Variants in MSL3 observed in about 807,000 individuals in gnomAD.
MSL3 encodes MSL3-like 1.
In MSL3, 5 loss-of-function variants were observed where a neutral mutation model predicts 37.2. That is an observed-to-expected ratio of 0.13 (90% confidence interval 0.07 to 0.28). MSL3 has a LOEUF of 0.28. MSL3 is among the 10% of genes least tolerant of loss of function. The pLI is 1.00. For missense variants in MSL3, 315 were observed against 408.5 expected (o/e 0.77, Z 1.97); for synonymous variants, 149 against 147.6 (o/e 1.01, Z -0.07).
At chrX:11,761,098 T>C (rs1244205639) in intron 4 of MSL3, 161 bp downstream of exon 4, 1 of 434,790 alleles carries the variant, frequency 2.3e-6, no homozygotes, top group African/African-American at 2.5e-5. Flanking sequence ...TATAAGTCAG[T>C]AAATCAGTAA....
chrX:11,774,679 CT>C (rs1334167036), intron 12 of MSL3, among the ~76,000 whole-genome samples: 2 of 107,226 alleles, frequency 1.9e-5, no homozygotes, highest in African/African-American at 3.4e-5. Flanking sequence ...CATTCATGGG[CT>C]TTTTTTTTTC....
Position 11,762,828 on chromosome X carries a change from TG to T in MSL3, c.589-8del, listed in dbSNP as rs1433608231. ...TGCATACATCAGATGTCTATGTTTT[TG>T]TTAACAGTTAGTGAAACTTCCATGC... On this transcript the variant is annotated splice_polypyrimidine_tract_variant and splice_region_variant and intron_variant, in intron 6 of 12. Transcript: ENST00000312196. 8 of 1,200,576 alleles carry T rather than the reference TG, an allele frequency of 6.7e-6. No homozygotes were observed. Among genetic ancestry groups the T allele is most frequent in the Non-Finnish European group, 7.9e-6 (7 of 889,634 alleles).
chrX:11,760,857 A>G lies in MSL3; in HGVS notation c.302A>G (p.Lys101Arg). The G allele has an allele frequency of 8.3e-7, 1 of 1,199,125 alleles. No homozygotes were observed. The highest frequency in any genetic ancestry group is 1.1e-6 in the Non-Finnish European group (1 of 889,112). The change falls in exon 4 of 13, where the codon AAG becomes AGG. Residue 101 changes from lysine to arginine, a missense_variant. Lys to Arg is a conservative substitution (Grantham distance 26). Transcript: ENST00000312196. ...TTCAGGAGGAGCACAGGAAGAAAGA[A>G]GAAGCGCTGCAGGTTGCCTGGTGTG... ...VARLRSTGRK[K>R]KRCRLPGVDS...
chrX:11,762,236 T>C lies in MSL3; in HGVS notation c.572T>C (p.Ile191Thr). The part of the protein sequence containing the change: ...KKQLEDDCYY[I>T]NRRKRLVKLP... ...CAGCTGGAGGATGATTGTTACTACA[T>C]TAACAGGAGGAAACGGGTATGTAGG... is the stretch of plus-strand genomic sequence containing the variant. Residue 191 changes from isoleucine (I) to threonine (T), a missense_variant, in exon 6 of 13, where the codon ATT becomes ACT. Transcript: ENST00000312196. 4 of 1,157,089 alleles carry C rather than the reference T, an allele frequency of 3.5e-6. No homozygotes were observed. Among genetic ancestry groups the C allele is most frequent in the South Asian group, 4.2e-5 (2 of 48,070 alleles).
At chrX:11,762,545 C>T (rs1402339762) in intron 6 of MSL3, among the ~76,000 whole-genome samples, 1 of 112,076 alleles carries the variant, frequency 8.9e-6, no homozygotes, top group Admixed American at 9.4e-5. Flanking sequence ...TGGAGTCCAA[C>T]TGCAGGTATA....
intron 1 of MSL3, chrX:11,758,591 G>C: frequency 8.9e-7 from 1 of 1,125,325 alleles, no homozygotes; most frequent in Non-Finnish European, 1.2e-6. Flanking sequence ...CGCACGCGCG[G>C]TTGGGAGCCT....
intron 6 of MSL3, among the ~76,000 whole-genome samples, chrX:11,762,484 A>ATGC (rs936989454): frequency 8.9e-6 from 1 of 112,325 alleles, no homozygotes; most frequent in African/African-American, 3.2e-5. Flanking sequence ...GCTTTCCAGA[A>ATGC]TGCTGCTGCT....
At position 11,766,901 on chromosome X, in the gene MSL3, G is replaced by A. The variant is rs757690003; in HGVS notation, c.1171+1172G>A. 155 of 753,059 alleles carry A rather than the reference G, an allele frequency of 2.1e-4. 1 individual carries two copies. The African/African-American group carries it at 3.3e-3, about 16-fold the overall frequency. The allele number at this position is 753,059 out of a possible 1,213,427, so 62.1% of individuals were successfully genotyped here. A position where few individuals can be genotyped will look rare whatever the true frequency, so the allele number is the denominator to read the frequency against. On this transcript the variant is annotated intron_variant, in intron 9 of 12. Transcript: ENST00000312196. Reference sequence around the variant, plus strand: ...CGTCAGGGTAAAACTACTTGGAGTCGAATCCCCATGCCCCAGTAGGTGTAT... The same window carrying A: ...CGTCAGGGTAAAACTACTTGGAGTCAAATCCCCATGCCCCAGTAGGTGTAT...
chrX:11,758,570 A>T lies in MSL3; in HGVS notation c.102+205A>T, dbSNP rs1021967779. 1.4e-5 allele frequency: 15 copies of T among 1,107,737 alleles called. No individual in the cohort carries two copies. The South Asian group carries it at 2.5e-4, about 18-fold the overall frequency. 91.3% of individuals were successfully genotyped at this position (1,107,737 alleles called of 1,213,427 possible). A position where few individuals can be genotyped will look rare whatever the true frequency, so the allele number is the denominator to read the frequency against. On this transcript the variant is annotated intron_variant, in intron 1 of 12. Transcript: ENST00000312196. ...TGGGATGCTTCCACTTCCTTCCGTC[A>T]GGCCGGGCGGCGCACGCGCGGTTGG...
intron 8 of MSL3, among the ~76,000 whole-genome samples, chrX:11,765,060 G>A (rs780618570): frequency 3.2e-4 from 36 of 112,827 alleles, no homozygotes; most frequent in Non-Finnish European, 6.4e-4. Context: ...CTAGACCAGC[G>A]TTTCTCAGCC....
In MSL3 at chrX:11,763,932, C is replaced by G. The variant is rs746637007; in HGVS notation, c.902C>G (p.Thr301Ser). 17 of 1,204,612 alleles carry G rather than the reference C, an allele frequency of 1.4e-5. No homozygotes were observed. The South Asian group carries it at 2.5e-4, about 18-fold the overall frequency. ...FLPIKESATS[T>S]NRSQEELSPS... The stretch of plus-strand genomic sequence containing the variant: ...CCAATTAAGGAAAGTGCCACAAGCA[C>G]TAACAGGTAAGTTATATAGCCTGCA... The change falls in exon 8 of 13, where the codon ACT becomes AGT. Residue 301 changes from threonine (T) to serine (S), a missense_variant. Transcript: ENST00000312196.
rs767875135 is a variant in MSL3 at position 11,763,007 on chromosome X, G to A, written c.749+10G>A. The A allele has an allele frequency of 8.4e-7, 1 of 1,186,993 alleles. No individual in the cohort carries two copies. The highest frequency in any genetic ancestry group is 1.1e-6 in the Non-Finnish European group (1 of 883,122). ...TCCCAGCAGAAAAGAAGTGAGTACT[G>A]GCATGTTTGGTGTTTTGTGGTTCTC... On this transcript the variant is annotated intron_variant, in intron 7 of 12. Transcript: ENST00000312196.
At chrX:11,764,428 C>T (rs2053161493) in intron 8 of MSL3, among the ~76,000 whole-genome samples, 2 of 111,269 alleles carry the variant, frequency 1.8e-5, no homozygotes, top group African/African-American at 6.5e-5. Flanking sequence ...AGTTACTTCT[C>T]TTCTTGCTCT....
chrX:11,767,112 G>T, intron 9 of MSL3: 1 of 754,314 alleles, frequency 1.3e-6, no homozygotes, highest in Non-Finnish European at 1.6e-6. Flanking sequence ...TGAGAGAAAG[G>T]TCTGACTTGT....
intron 12 of MSL3, among the ~76,000 whole-genome samples, chrX:11,773,103 A>T (rs1728830714): frequency 8.9e-6 from 1 of 112,396 alleles, no homozygotes; most frequent in Non-Finnish European, 1.9e-5. Context: ...ACATAAACTA[A>T]CTTAAATAGT....
chrX:11,761,169 A>C, intron 4 of MSL3: 1 of 377,683 alleles, frequency 2.6e-6, no homozygotes, highest in Non-Finnish European at 4.6e-6. Context: ...CTTTGTACAA[A>C]CCCCTCATGG....
intron 4 of MSL3, 104 bp from the exon 5 acceptor site, chrX:11,761,396 G>A (rs1601766498): frequency 2.2e-6 from 1 of 444,496 alleles, no homozygotes; most frequent in Non-Finnish European, 3.9e-6. Context: ...TGGAATTGCA[G>A]TTTATTATTT....
At chrX:11,768,511 C>A in intron 9 of MSL3, 62 bp from the exon 10 acceptor site, 1 of 752,836 alleles carries the variant, frequency 1.3e-6, no homozygotes, top group Non-Finnish European at 2.0e-6. Context: ...CAGTTTTTAA[C>A]AGTCTTGAGG....
chrX:11,761,911 G>A (rs1001708569), intron 5 of MSL3, among the ~76,000 whole-genome samples: 1 of 111,621 alleles, frequency 9.0e-6, no homozygotes, highest in Middle Eastern at 4.2e-3. Flanking sequence ...ATATAAATCC[G>A]AGTGGTAAAC....
Sources: gnomAD v4.1 joint callset for allele counts (sites outside exome capture counted in the v4.1 genomes callset) on GRCh38, gnomAD v4.1.1 for gene constraint, MANE v1.5 for transcripts, NCBI Gene and HGNC (gene_info 2026-07-23, HGNC 2026-07-21) for gene names.